Variants in ZC3H11A observed in about 807,000 individuals in gnomAD.
The protein encoded by ZC3H11A is zinc finger CCCH-type containing 11A.
A neutral mutation model predicts 90.8 loss-of-function variants in ZC3H11A; 22 were observed. The ratio of observed to expected loss-of-function variants is 0.24; its 90% CI spans 0.17 to 0.35. The LOEUF (loss-of-function observed/expected upper bound fraction) is 0.35, where lower values mean the gene tolerates loss of function less well. Among genes scored for constraint, ZC3H11A ranks in the 10% least tolerant of loss-of-function variants. ZC3H11A has a pLI of 1.00. For synonymous variants in ZC3H11A, 294 were observed against 339.8 expected (o/e 0.87, Z 1.48); for missense variants, 701 against 964.9 (o/e 0.73, Z 3.62).
At chr1:203,822,078 C>A (rs1284733174) in intron 4 of ZC3H11A, among the ~76,000 whole-genome samples, 1 of 152,086 alleles carries the variant, frequency 6.6e-6, no homozygotes, top group Non-Finnish European at 1.5e-5. Flanking sequence ...ATAATAGATA[C>A]ATAGTATTAC....
At chr1:203,811,203 G>A (rs968570033) in intron 2 of ZC3H11A, among the ~76,000 whole-genome samples, 9 of 151,660 alleles carry the variant, frequency 5.9e-5, no homozygotes, top group African/African-American at 1.9e-4. Context: ...AGCTACTTGG[G>A]AGGCTGAGGC....
At chr1:203,843,918 T>G (rs1198005904) in intron 12 of ZC3H11A, among the ~76,000 whole-genome samples, 4 of 152,048 alleles carry the variant, frequency 2.6e-5, no homozygotes, top group East Asian at 1.9e-4. Context: ...AGTGCAATGG[T>G]GCGATCTCGG....
At chr1:203,819,067 CAAAA>C (rs747588582) in intron 4 of ZC3H11A, among the ~76,000 whole-genome samples, 5,089 of 96,994 alleles carry the variant, frequency 0.052, 141 homozygotes, top group South Asian at 0.1. Flanking sequence ...CACTCCGTCT[CAAAA>C]AAAAAAATAT....
chr1:203,799,741 A>G (rs1669940311), intron 1 of ZC3H11A: 2 of 798,584 alleles, frequency 2.5e-6, no homozygotes, highest in African/African-American at 1.7e-5. Flanking sequence ...CAGGCCCTCA[A>G]TCTGGTGGAT....
At position 203,849,860 on chromosome 1, in the gene ZC3H11A, A is replaced by C. The variant is rs765178445; in HGVS notation, c.1773A>C (p.Gln591His). 14 of 1,614,118 alleles carry C rather than the reference A, an allele frequency of 8.7e-6. No individual in the cohort carries two copies. In the South Asian group the frequency reaches 1.5e-4, roughly 18 times the overall value. ...GAGATGTAGCCTCTTGCAATACCCA[A>C]GTGGCAGAGAAACCAGTGCTCACTG... ...LRGDVASCNT[Q>H]VAEKPVLTAV... Residue 591 changes from glutamine (Q) to histidine (H), a missense_variant, in exon 15 of 18, where the codon CAA becomes CAC. By Grantham distance (24) the Gln-to-His change is conservative. Transcript: ENST00000367210.
intron 2 of ZC3H11A, among the ~76,000 whole-genome samples, chr1:203,809,682 G>A (rs1030833464): frequency 5.9e-5 from 9 of 152,178 alleles, no homozygotes; most frequent in Non-Finnish European, 1.2e-4. Context: ...AACCGGGTGC[G>A]GTGGCTCACG....
At chr1:203,850,946 A>G in intron 16 of ZC3H11A, 111 bp from the exon 17 acceptor site, 2 of 1,319,824 alleles carry the variant, frequency 1.5e-6, no homozygotes, top group Non-Finnish European at 2.1e-6. Flanking sequence ...TCTTAGATTC[A>G]CAGGCTTAAA....
At chr1:203,842,459 G>GT (rs1357619938) in intron 12 of ZC3H11A, among the ~76,000 whole-genome samples, 1 of 152,106 alleles carries the variant, frequency 6.6e-6, no homozygotes, top group Non-Finnish European at 1.5e-5. Flanking sequence ...CCAGTCAAGT[G>GT]TGGCGGCGCG....
At chr1:203,816,556 A>T (rs986469097) in intron 2 of ZC3H11A, among the ~76,000 whole-genome samples, 2 of 152,184 alleles carry the variant, frequency 1.3e-5, no homozygotes, top group Non-Finnish European at 2.9e-5. Context: ...CCTTGAGCCC[A>T]GGAGTTCAGT....
At chr1:203,828,739 T>G (rs1681348053) in intron 5 of ZC3H11A, among the ~76,000 whole-genome samples, 1 of 151,528 alleles carries the variant, frequency 6.6e-6, no homozygotes, top group Admixed American at 6.5e-5. Flanking sequence ...CTGCCTGTTT[T>G]GTAAAATAAG....
intron 1 of ZC3H11A, chr1:203,800,107 C>T (rs921310418): frequency 1.3e-6 from 2 of 1,536,150 alleles, no homozygotes; most frequent in Admixed American, 2.0e-5. Flanking sequence ...ATGTTCCCTT[C>T]TGCTGTAGCA....
intron 13 of ZC3H11A, among the ~76,000 whole-genome samples, chr1:203,847,916 C>T (rs1287537785): frequency 2.0e-5 from 3 of 152,152 alleles, no homozygotes; most frequent in Non-Finnish European, 2.9e-5. Context: ...AGTGCAGTGG[C>T]ATGACCTTGG....
chr1:203,812,684 C>T (rs983572694), intron 2 of ZC3H11A, among the ~76,000 whole-genome samples: 6 of 144,962 alleles, frequency 4.1e-5, no homozygotes, highest in South Asian at 2.2e-4. Flanking sequence ...TAGGTTCAAA[C>T]GATTCTCCTG....
intron 4 of ZC3H11A, among the ~76,000 whole-genome samples, chr1:203,825,151 T>C (rs374923036): frequency 9.2e-5 from 14 of 152,008 alleles, no homozygotes; most frequent in Admixed American, 3.3e-4. Context: ...CTATTTGTCT[T>C]GCGTTTCATA....
chr1:203,814,484 A>G, intron 2 of ZC3H11A, among the ~76,000 whole-genome samples: 1 of 152,146 alleles, frequency 6.6e-6, no homozygotes. Flanking sequence ...AGATGGCACC[A>G]TTGCATTCCA....
chr1:203,819,302 A>G (rs1364176012), intron 4 of ZC3H11A, among the ~76,000 whole-genome samples: 2 of 148,078 alleles, frequency 1.4e-5, no homozygotes, highest in Admixed American at 6.8e-5. Flanking sequence ...GCTTACTGCA[A>G]CCTCCACCTC....
chr1:203,848,017 C>T (rs530952692), intron 13 of ZC3H11A, among the ~76,000 whole-genome samples: 6 of 152,060 alleles, frequency 3.9e-5, no homozygotes, highest in East Asian at 1.9e-4. Context: ...CACCACACCC[C>T]GCTAATTTTT....
At chr1:203,841,259 T>G (rs1446923786) in intron 12 of ZC3H11A, among the ~76,000 whole-genome samples, 1 of 151,654 alleles carries the variant, frequency 6.6e-6, no homozygotes. Flanking sequence ...CAGATAAACA[T>G]GTGAACAAGG....
In ZC3H11A at chr1:203,838,079, A is replaced by G. The variant is rs1440429569; in HGVS notation, c.973+15A>G. 1 of 1,612,102 alleles carries G rather than the reference A, an allele frequency of 6.2e-7. No individual in the cohort carries two copies. The highest frequency in any genetic ancestry group is 8.5e-7 in the Non-Finnish European group (1 of 1,178,712). On this transcript the variant is annotated intron_variant, in intron 11 of 17. Transcript: ENST00000367210. Reference sequence around the variant, plus strand: ...ACCAAAGAAAGGTACCTGTGTTCTTACATACTTTGTGTGTGTATGTAATTA... The same window carrying G: ...ACCAAAGAAAGGTACCTGTGTTCTTGCATACTTTGTGTGTGTATGTAATTA...
Sources: allele counts gnomAD v4.1 joint callset (sites outside exome capture counted in the v4.1 genomes callset), GRCh38; gene constraint gnomAD v4.1.1; transcripts MANE v1.5; gene names NCBI Gene and HGNC (gene_info 2026-07-23, HGNC 2026-07-21).